Variants in CCL4 observed in about 807,000 individuals in gnomAD.
The protein encoded by CCL4 is C-C motif chemokine 4.
In CCL4, 8 loss-of-function variants were observed where a neutral mutation model predicts 10.3. The observed-to-expected ratio is 0.77, with a 90% CI of 0.45 to 1.39. The LOEUF is 1.39. Among genes scored for constraint, CCL4 ranks in the 40% most tolerant of loss-of-function variants. The pLI, the probability that CCL4 is intolerant of heterozygous loss-of-function variation, is 0.00. For synonymous variants in CCL4, 35 were observed against 44.3 expected (o/e 0.79, Z 0.83); for missense variants, 106 against 111.2 (o/e 0.95, Z 0.21).
chr17:36,104,038 T>C (rs1364778924), intron 1 of CCL4, 57 bp downstream of exon 1: 1 of 1,603,192 alleles, frequency 6.2e-7, no homozygotes, highest in African/African-American at 1.3e-5. Flanking sequence ...AGTCCTTTTT[T>C]CTAGTCATGG....
intron 1 of CCL4, 52 bp downstream of exon 1, chr17:36,104,033 T>C (rs2067140476): frequency 6.2e-7 from 1 of 1,603,640 alleles, no homozygotes; most frequent in Non-Finnish European, 8.5e-7. Context: ...GGCAGAGTCC[T>C]TTTTTCTAGT....
chr17:36,104,917 C>A (rs1429937984), intron 2 of CCL4: 9 of 695,838 alleles, frequency 1.3e-5, no homozygotes, highest in African/African-American at 3.5e-5. Context: ...AGATATGGAC[C>A]GATTCCTTAA....
chr17:36,104,727 T>A, intron 2 of CCL4, 85 bp downstream of exon 2: 2 of 1,545,490 alleles, frequency 1.3e-6, no homozygotes, highest in East Asian at 2.3e-5. Context: ...AGGGGGTGAT[T>A]GAGCATTGGG....
At chr17:36,105,109 A>G (rs1197657964) in intron 2 of CCL4, 116 bp from the exon 3 acceptor site, 39 of 1,099,630 alleles carry the variant, frequency 3.5e-5, no homozygotes, top group Admixed American at 2.9e-4. Flanking sequence ...GAAGGATCCC[A>G]TCCACCAGAG....
In CCL4 at chr17:36,105,333, C is replaced by A; in HGVS notation, c.*21C>A. 1 of 1,611,972 alleles carries A rather than the reference C, an allele frequency of 6.2e-7. No individual in the cohort carries two copies. Among genetic ancestry groups the A allele is most frequent in the East Asian group, 2.2e-5 (1 of 44,874 alleles). ...ACTGAGCTGCTCAGAGACAGGAAGTCTTCAGGGAAGGTCACCTGAGCCCGG... is the reference window on the plus strand; with the variant it reads ...ACTGAGCTGCTCAGAGACAGGAAGTATTCAGGGAAGGTCACCTGAGCCCGG... On this transcript the variant is annotated 3_prime_UTR_variant, in exon 3 of 3. Transcript: ENST00000615863.
In CCL4 at chr17:36,104,081, A is replaced by C. The variant is rs965215115; in HGVS notation, c.76+100A>C. 5 of 1,357,420 alleles carry C rather than the reference A, an allele frequency of 3.7e-6. No homozygotes were observed. The African/African-American group carries it at 7.2e-5, about 20-fold the overall frequency. The allele number at this position is 1,357,420 out of a possible 1,614,324, so 84.1% of individuals were successfully genotyped here. On this transcript the variant is annotated intron_variant, in intron 1 of 2. Coordinates refer to ENST00000615863, the MANE Select transcript of CCL4 (RefSeq NM_002984.4). ...ACAGTGGGATCTGGGGATGGGACAA[A>C]AGGCAGCTAGGAAGATTGCCATGTA...
In CCL4 at chr17:36,103,995, T is replaced by C. The variant is rs1266069899; in HGVS notation, c.76+14T>C. The C allele has an allele frequency of 6.2e-7, 1 of 1,613,974 alleles. No individual in the cohort carries two copies. Among genetic ancestry groups the C allele is most frequent in the Admixed American group, 1.7e-5 (1 of 60,014 alleles). On this transcript the variant is annotated intron_variant, in intron 1 of 2. Coordinates refer to ENST00000615863, the MANE Select transcript of CCL4 (RefSeq NM_002984.4). ...TCTCAGCACCAAGTAAGTCTACTTT[T>C]GCAGCTGCTATTTCGAGTCAAGGTG...
In CCL4 at chr17:36,104,630, A is replaced by G. The variant is rs146953505; in HGVS notation, c.179A>G (p.Gln60Arg). Reference sequence around the variant, plus strand: ...TATGAGACCAGCAGCCTCTGCTCCCAGCCAGCTGTGGTGTGAGTATCAACC... The same window carrying G: ...TATGAGACCAGCAGCCTCTGCTCCCGGCCAGCTGTGGTGTGAGTATCAACC... ...DYYETSSLCS[Q>R]PAVVFQTKRS... Residue 60 changes from glutamine to arginine, a missense_variant, in exon 2 of 3, where the codon CAG becomes CGG. Gln to Arg is a conservative substitution (Grantham distance 43). Coordinates refer to ENST00000615863, the MANE Select transcript of CCL4 (RefSeq NM_002984.4). 1,485 of 1,613,666 alleles carry G rather than the reference A, an allele frequency of 9.2e-4. No homozygotes were observed. Among genetic ancestry groups the G allele is most frequent in the Non-Finnish European group, 1.2e-3 (1,430 of 1,179,848 alleles).
chr17:36,104,552 G>A lies in CCL4; in HGVS notation c.101G>A (p.Cys34Tyr), dbSNP rs2067144183. Residue 34 changes from cysteine to tyrosine, a missense_variant, in exon 2 of 3, where the codon TGC (cysteine) becomes TAC (tyrosine). By Grantham distance (194) the Cys-to-Tyr change is radical. Coordinates refer to ENST00000615863, the MANE Select transcript of CCL4 (RefSeq NM_002984.4). ...GTGGGCTCAGACCCTCCCACCGCCT[G>A]CTGCTTTTCTTACACCGCGAGGAAG... ...APMGSDPPTA[C>Y]CFSYTARKLP... 3.7e-6 allele frequency: 6 copies of A among 1,612,314 alleles called. No homozygotes were observed. The highest frequency in any genetic ancestry group is 3.4e-6 in the Non-Finnish European group (4 of 1,179,838).
At chr17:36,104,389 C>T (rs556938304) in intron 1 of CCL4, 139 bp from the exon 2 acceptor site, 2 of 986,082 alleles carry the variant, frequency 2.0e-6, no homozygotes, top group South Asian at 1.4e-5. Flanking sequence ...CAAAATAAGA[C>T]TCCTGCTCAT....
rs137963281 is a variant in CCL4 at position 36,103,876 on chromosome 17, C to G, written c.-30C>G. ...AAGCTTCTGAGTTCTGCAGCCTCAC[C>G]TCTGAGAAAACCTCTTTTCCACCAA... On this transcript the variant is annotated 5_prime_UTR_variant, in exon 1 of 3. Transcript: ENST00000615863. 1.8e-3 allele frequency: 2,962 copies of G among 1,613,456 alleles called. 5 individuals carry two copies. The highest frequency in any genetic ancestry group is 2.4e-3 in the Non-Finnish European group (2,844 of 1,179,358).
rs1049750 is a variant in CCL4 at position 36,103,894 on chromosome 17, T to G, written c.-12T>G. 12,378 of 1,613,872 alleles carry G rather than the reference T, an allele frequency of 7.7e-3. 623 individuals carry two copies. In the African/African-American group the frequency reaches 0.12, roughly 16 times the overall value. ...GCCTCACCTCTGAGAAAACCTCTTT[T>G]CCACCAATACCATGAAGCTCTGCGT... On this transcript the variant is annotated 5_prime_UTR_variant, in exon 1 of 3. Coordinates refer to ENST00000615863, the MANE Select transcript of CCL4 (RefSeq NM_002984.4).
chr17:36,105,270 A>G lies in CCL4; in HGVS notation c.237A>G (p.Glu79=), dbSNP rs1049807. 0.22 allele frequency: 360,338 copies of G among 1,612,840 alleles called. 41,040 individuals carry two copies. Among genetic ancestry groups the G allele is most frequent in the East Asian group, 0.27 (12,144 of 44,860 alleles). ...AGCAAGTCTGTGCTGATCCCAGTGA[A>G]TCCTGGGTCCAGGAGTACGTGTATG... ...RSKQVCADPS[E]SWVQEYVYDL... Residue 79 remains glutamate, a synonymous_variant, in exon 3 of 3, where the codon GAA becomes GAG. Coordinates refer to ENST00000615863, the MANE Select transcript of CCL4 (RefSeq NM_002984.4).
Position 36,104,586 on chromosome 17 carries a change from C to A in CCL4, c.135C>A (p.Arg45=), listed in dbSNP as rs1211966838. ...CTTACACCGCGAGGAAGCTTCCTCG[C>A]AACTTTGTGGTAGATTACTATGAGA... is the stretch of plus-strand genomic sequence containing the variant. ...CFSYTARKLP[R]NFVVDYYETS... is the part of the protein sequence containing the mutation. The change falls in exon 2 of 3, where the codon CGC becomes CGA. Residue 45 remains arginine (R), a synonymous_variant. Transcript: ENST00000615863. The A allele has an allele frequency of 3.1e-6, 5 of 1,613,320 alleles. No homozygotes were observed. Among genetic ancestry groups the A allele is most frequent in the African/African-American group, 1.3e-5 (1 of 74,880 alleles).
intron 1 of CCL4, 46 bp from the exon 2 acceptor site, chr17:36,104,482 C>T (rs770152306): frequency 1.6e-5 from 25 of 1,589,610 alleles, no homozygotes; most frequent in Non-Finnish European, 2.1e-5. Flanking sequence ...TCAAAATAAA[C>T]AGCTCCCACG....
In CCL4 at chr17:36,103,970, T is replaced by C. The variant is rs556935273; in HGVS notation, c.65T>C (p.Leu22Pro). 1 of 1,613,936 alleles carries C rather than the reference T, an allele frequency of 6.2e-7. No individual in the cohort carries two copies. Among genetic ancestry groups the C allele is most frequent in the East Asian group, 2.2e-5 (1 of 44,880 alleles). ...MLVAAFCSPA[L>P]SAPMGSDPPT... ...GTAGCTGCCTTCTGCTCTCCAGCGC[T>C]CTCAGCACCAAGTAAGTCTACTTTT... The change falls in exon 1 of 3, where the codon CTC (leucine) becomes CCC (proline). Residue 22 changes from leucine (L) to proline (P), a missense_variant. Leu to Pro is a moderately conservative substitution (Grantham distance 98). Coordinates refer to ENST00000615863, the MANE Select transcript of CCL4 (RefSeq NM_002984.4).
In CCL4 at chr17:36,104,547, C is replaced by T. The variant is rs777786306; in HGVS notation, c.96C>T (p.Thr32=). 26 of 1,612,040 alleles carry T rather than the reference C, an allele frequency of 1.6e-5. No individual in the cohort carries two copies. The East Asian group carries it at 3.3e-4, about 21-fold the overall frequency. ...LSAPMGSDPP[T]ACCFSYTARK... is the part of the protein sequence containing the mutation. ...TTTCAGTGGGCTCAGACCCTCCCACCGCCTGCTGCTTTTCTTACACCGCGA... is the reference window on the plus strand; with the variant it reads ...TTTCAGTGGGCTCAGACCCTCCCACTGCCTGCTGCTTTTCTTACACCGCGA... The change falls in exon 2 of 3, where the codon ACC becomes ACT. Residue 32 remains threonine (T), a synonymous_variant. Coordinates refer to ENST00000615863, the MANE Select transcript of CCL4 (RefSeq NM_002984.4).
Position 36,105,322 on chromosome 17 carries a change from A to G in CCL4, c.*10A>G. The G allele has an allele frequency of 1.2e-6, 2 of 1,613,200 alleles. No homozygotes were observed. The highest frequency in any genetic ancestry group is 1.7e-6 in the Non-Finnish European group (2 of 1,179,116). On this transcript the variant is annotated 3_prime_UTR_variant, in exon 3 of 3. Coordinates refer to ENST00000615863, the MANE Select transcript of CCL4 (RefSeq NM_002984.4). ...CCTGGAACTGAACTGAGCTGCTCAGAGACAGGAAGTCTTCAGGGAAGGTCA... is the reference window on the plus strand; with the variant it reads ...CCTGGAACTGAACTGAGCTGCTCAGGGACAGGAAGTCTTCAGGGAAGGTCA...
Position 36,105,361 on chromosome 17 carries a change from G to A in CCL4, c.*49G>A, listed in dbSNP as rs1470185091. 6.3e-7 allele frequency: 1 copy of A among 1,577,032 alleles called. No homozygotes were observed. ...CAGGGAAGGTCACCTGAGCCCGGAT[G>A]CTTCTCCATGAGACACATCTCCTCC... On this transcript the variant is annotated 3_prime_UTR_variant, in exon 3 of 3. Coordinates refer to ENST00000615863, the MANE Select transcript of CCL4 (RefSeq NM_002984.4).
Sources: gnomAD v4.1 joint callset for allele counts on GRCh38, gnomAD v4.1.1 for gene constraint, MANE v1.5 for transcripts, NCBI Gene and HGNC (gene_info 2026-07-23, HGNC 2026-07-21) for gene names.